Variants in CRISPLD1 observed in about 807,000 individuals in gnomAD.
CRISPLD1 encodes cysteine rich secretory protein LCCL domain containing 1, also known as cysteine-rich secretory protein LCCL domain-containing 1.
A neutral mutation model predicts 77.5 loss-of-function variants in CRISPLD1; 60 were observed. That is an observed-to-expected ratio of 0.77 (90% CI 0.63 to 0.96). CRISPLD1 has a LOEUF of 0.96. Ranked by LOEUF, CRISPLD1 falls within the 40% of genes least tolerant of loss-of-function variation. The probability of loss-of-function intolerance (pLI) is 0.00; values close to 1 mark genes in which losing one functional copy is unlikely to be tolerated. For missense variants in CRISPLD1, 623 were observed against 615.8 expected (o/e 1.01, Z -0.12); for synonymous variants, 195 against 200.1 (o/e 0.97, Z 0.22).
chr8:75,009,543 C>G (rs1331008092), intron 2 of CRISPLD1, among the ~76,000 whole-genome samples: 1 of 151,372 alleles, frequency 6.6e-6, no homozygotes. Flanking sequence ...TTCTATTTTT[C>G]CTCTGTTTTC....
intron 2 of CRISPLD1, among the ~76,000 whole-genome samples, chr8:75,005,787 T>G (rs1049098320): frequency 3.3e-5 from 5 of 152,144 alleles, no homozygotes; most frequent in Non-Finnish European, 7.4e-5. Context: ...TTTATCATTA[T>G]TTTCAGCTTT....
chr8:75,019,316 T>A (rs1813091895), intron 10 of CRISPLD1, among the ~76,000 whole-genome samples: 1 of 152,184 alleles, frequency 6.6e-6, no homozygotes, highest in African/African-American at 2.4e-5. Flanking sequence ...TATAAACCTA[T>A]TAAAATTTTG....
intron 1 of CRISPLD1, among the ~76,000 whole-genome samples, chr8:74,985,300 C>T (rs1172190398): frequency 2.0e-5 from 3 of 151,998 alleles, no homozygotes; most frequent in Admixed American, 6.6e-5. Context: ...TTGACCTGAG[C>T]CTGAATAGGA....
chr8:75,014,727 A>G, intron 5 of CRISPLD1, 85 bp from the exon 6 acceptor site: 1 of 821,054 alleles, frequency 1.2e-6, no homozygotes, highest in East Asian at 3.0e-5. Context: ...AATTACTTAG[A>G]ATGTTCATAT....
At chr8:74,992,905 G>GTTTTGT (rs1812593602) in intron 2 of CRISPLD1, among the ~76,000 whole-genome samples, 2 of 115,238 alleles carry the variant, frequency 1.7e-5, no homozygotes, top group Admixed American at 8.8e-5. Context: ...AGAAATTATG[G>GTTTTGT]TTTTTTTTTT....
chr8:75,021,946 CT>C, intron 12 of CRISPLD1, among the ~76,000 whole-genome samples: 1 of 152,204 alleles, frequency 6.6e-6, no homozygotes, highest in South Asian at 2.1e-4. Flanking sequence ...AGGAGGGTCT[CT>C]GTAGAGCATT....
intron 6 of CRISPLD1, among the ~76,000 whole-genome samples, chr8:75,015,860 C>A (rs778815759): frequency 6.6e-6 from 1 of 152,064 alleles, no homozygotes; most frequent in Non-Finnish European, 1.5e-5. Context: ...CCCCGGTGAC[C>A]ATTATCTTTT....
At chr8:75,002,327 C>T (rs1368559752) in intron 2 of CRISPLD1, among the ~76,000 whole-genome samples, 1 of 147,928 alleles carries the variant, frequency 6.8e-6, no homozygotes, top group African/African-American at 2.5e-5. Context: ...CAAGCAGATT[C>T]TTATAGGAAC....
At chr8:74,990,940 C>A (rs192979432) in intron 2 of CRISPLD1, among the ~76,000 whole-genome samples, 314 of 151,944 alleles carry the variant, frequency 2.1e-3, no homozygotes, top group South Asian at 1.3e-3. Context: ...AATCTTTGCT[C>A]TTTTTATACC....
At chr8:75,017,570 G>A (rs1587022537) in intron 10 of CRISPLD1, 120 bp downstream of exon 10, 1 of 882,058 alleles carries the variant, frequency 1.1e-6, no homozygotes, top group Non-Finnish European at 1.6e-6. Context: ...TTATTTTCAA[G>A]GTTCATTTTA....
At chr8:75,032,153 A>G (rs1813359561) in intron 14 of CRISPLD1, 38 bp from the exon 15 acceptor site, 3 of 1,373,588 alleles carry the variant, frequency 2.2e-6, no homozygotes, top group East Asian at 4.6e-5. Flanking sequence ...TATAGAGATG[A>G]CATCAATATA....
rs200122961 is a variant in CRISPLD1, at chr8:75,029,416, T to G, written c.1350T>G (p.His450Gln). ...DLSSICRAAV[H>Q]AGVVRNHGGY... ...CCAGTATCTGCAGAGCAGCAGTACATGCTGGAGTGGTTCGAAATCACGGTG... is the reference window on the plus strand; with the variant it reads ...CCAGTATCTGCAGAGCAGCAGTACAGGCTGGAGTGGTTCGAAATCACGGTG... Residue 450 changes from histidine to glutamine, a missense_variant, in exon 14 of 15, where the codon CAT becomes CAG. Physicochemically the swap from His to Gln is conservative, Grantham distance 24 (BLOSUM62 0). Coordinates refer to ENST00000262207, the MANE Select transcript of CRISPLD1 (RefSeq NM_031461.6). The G allele has an allele frequency of 6.2e-7, 1 of 1,613,658 alleles. No individual in the cohort carries two copies. The highest frequency in any genetic ancestry group is 8.5e-7 in the Non-Finnish European group (1 of 1,179,736).
chr8:75,011,647 T>C (rs1812933385), intron 2 of CRISPLD1, among the ~76,000 whole-genome samples: 1 of 152,170 alleles, frequency 6.6e-6, no homozygotes, highest in South Asian at 2.1e-4. Flanking sequence ...ATTTAAATTA[T>C]TTCTTTTTAA....
chr8:75,007,387 T>A (rs1040878767), intron 2 of CRISPLD1, among the ~76,000 whole-genome samples: 1 of 152,140 alleles, frequency 6.6e-6, no homozygotes, highest in Admixed American at 6.6e-5. Flanking sequence ...CTTGAATGAT[T>A]TCCAGCTGTC....
chr8:75,012,643 G>A, intron 3 of CRISPLD1, 92 bp downstream of exon 3: 2 of 929,722 alleles, frequency 2.2e-6, no homozygotes, highest in South Asian at 1.5e-5. Flanking sequence ...CAAAGACTTG[G>A]TGCCTGAAAG....
rs1813380341 is a variant in CRISPLD1, at chr8:75,033,060, C to G, written c.*818C>G. 6.6e-6 allele frequency: 1 copy of G among 152,190 alleles called. No homozygotes were observed. Among genetic ancestry groups the G allele is most frequent in the Admixed American group, 6.6e-5 (1 of 15,234 alleles). The allele number at this position is 152,190 out of a possible 1,614,324, so 9.4% of individuals were successfully genotyped here. A position where few individuals can be genotyped will look rare whatever the true frequency, so the allele number is the denominator to read the frequency against. ...TAGCAAAAAGTTGAACAAAGATGAA[C>G]TAATGTATTACATTACCATTGCCAC... On this transcript the variant is annotated 3_prime_UTR_variant, in exon 15 of 15. Transcript: ENST00000262207.
chr8:75,027,049 G>A (rs1003166995), intron 13 of CRISPLD1: 5 of 152,110 alleles, frequency 3.3e-5, no homozygotes, highest in African/African-American at 1.2e-4. Context: ...TCCAACCCAA[G>A]TATGAAGTTG....
chr8:75,029,298 C>T (rs1054422181), intron 13 of CRISPLD1, 89 bp from the exon 14 acceptor site: 9 of 1,315,090 alleles, frequency 6.8e-6, no homozygotes, highest in East Asian at 5.0e-5. Flanking sequence ...AGGATGTCAG[C>T]GACTTCAGTC....
intron 2 of CRISPLD1, among the ~76,000 whole-genome samples, chr8:74,988,496 T>TA (rs2128780485): frequency 6.6e-6 from 1 of 152,280 alleles, no homozygotes; most frequent in Non-Finnish European, 1.5e-5. Flanking sequence ...TTATTAATAT[T>TA]ACATTTCTAC....
Sources: gnomAD v4.1 joint callset for allele counts (sites outside exome capture counted in the v4.1 genomes callset) on GRCh38, gnomAD v4.1.1 for gene constraint, MANE v1.5 for transcripts, NCBI Gene and HGNC (gene_info 2026-07-23, HGNC 2026-07-21) for gene names.